Variants in ERC1 observed in about 807,000 individuals in gnomAD.
The protein encoded by ERC1 is RAB6 interacting protein 2.
In ERC1, 56 loss-of-function variants were observed where a neutral mutation model predicts 132.0. The observed-to-expected ratio is 0.42, with a 90% CI of 0.34 to 0.53. ERC1 has a LOEUF of 0.53. Ranked by LOEUF, ERC1 falls within the 20% of genes least tolerant of loss-of-function variation. The pLI is 0.03. For synonymous variants in ERC1, 478 were observed against 476.1 expected, an observed-to-expected ratio of 1.00 and a Z score of -0.05; for missense variants, 1,202 against 1,349.9, an observed-to-expected ratio of 0.89 and a Z score of 1.72.
At chr12:1,262,523 A>G (rs948091750) in intron 13 of ERC1, among the ~76,000 whole-genome samples, 3 of 152,240 alleles carry the variant, frequency 2.0e-5, no homozygotes, top group African/African-American at 7.2e-5. Flanking sequence ...ACTAGGATGC[A>G]TCACTTGCTT....
intron 12 of ERC1, among the ~76,000 whole-genome samples, chr12:1,236,338 T>C (rs1210561116): frequency 6.6e-6 from 1 of 152,172 alleles, no homozygotes; most frequent in Non-Finnish European, 1.5e-5. Context: ...TTATATACAG[T>C]GTATTGAATG....
intron 2 of ERC1, among the ~76,000 whole-genome samples, chr12:1,058,823 G>GTTTTTTTT (rs1973502175): frequency 7.9e-6 from 1 of 126,772 alleles, no homozygotes. Context: ...ACGAGGTCTT[G>GTTTTTTTT]CTCTCTCATC....
intron 12 of ERC1, among the ~76,000 whole-genome samples, chr12:1,236,506 G>T (rs2286038): frequency 1.3e-5 from 2 of 152,040 alleles, no homozygotes; most frequent in African/African-American, 4.8e-5. Context: ...AAATGATCCC[G>T]TGCCTTTCTT....
chr12:1,398,934 T>A (rs2090773712), intron 16 of ERC1, among the ~76,000 whole-genome samples: 1 of 77,128 alleles, frequency 1.3e-5, no homozygotes, highest in Non-Finnish European at 2.5e-5. Context: ...CTCCTACTTT[T>A]TTTTTTTTTT....
intron 2 of ERC1, among the ~76,000 whole-genome samples, chr12:1,033,720 C>A (rs149954111): frequency 8.2e-4 from 125 of 152,016 alleles, no homozygotes; most frequent in African/African-American, 2.4e-3. Context: ...ACCTCCGCCT[C>A]CTGAGTTCAA....
chr12:1,043,640 T>C (rs1970636300), intron 2 of ERC1, among the ~76,000 whole-genome samples: 1 of 152,190 alleles, frequency 6.6e-6, no homozygotes, highest in Non-Finnish European at 1.5e-5. Flanking sequence ...TTTTCATATG[T>C]CTTGCTAGGA....
intron 18 of ERC1, among the ~76,000 whole-genome samples, chr12:1,450,222 G>A (rs926481052): frequency 6.6e-6 from 1 of 152,102 alleles, no homozygotes; most frequent in Non-Finnish European, 1.5e-5. Flanking sequence ...TACGTGCACA[G>A]TTCAGTGTTA....
At chr12:1,434,085 T>A (rs147870216) in intron 17 of ERC1, among the ~76,000 whole-genome samples, 219 of 152,146 alleles carry the variant, frequency 1.4e-3, no homozygotes, top group East Asian at 0.014. Flanking sequence ...ATGTTCTGCT[T>A]CCTCTTGTCC....
intron 15 of ERC1, among the ~76,000 whole-genome samples, chr12:1,346,094 A>C (rs972458681): frequency 6.6e-6 from 1 of 152,126 alleles, no homozygotes; most frequent in Admixed American, 6.5e-5. Context: ...GGGAAATGTG[A>C]GGAGCTAGGA....
intron 2 of ERC1, among the ~76,000 whole-genome samples, chr12:1,029,269 G>A (rs866489968): frequency 3.3e-5 from 5 of 152,006 alleles, no homozygotes; most frequent in African/African-American, 1.2e-4. Context: ...GGAGAATCAC[G>A]TAAACCTGGG....
intron 18 of ERC1, among the ~76,000 whole-genome samples, chr12:1,454,048 A>G (rs1489386123): frequency 6.6e-6 from 1 of 152,118 alleles, no homozygotes; most frequent in Non-Finnish European, 1.5e-5. Flanking sequence ...TCTCCAGCCC[A>G]CACCCCAGCC....
At chr12:1,440,236 G>T (rs1449657961) in intron 17 of ERC1, among the ~76,000 whole-genome samples, 17 of 109,146 alleles carry the variant, frequency 1.6e-4, no homozygotes, top group Admixed American at 1.2e-3. Context: ...ACAGAGTCTT[G>T]CTCTGTCGCC....
chr12:1,099,986 T>C (rs1944483968), intron 3 of ERC1, among the ~76,000 whole-genome samples: 1 of 151,878 alleles, frequency 6.6e-6, no homozygotes, highest in South Asian at 2.1e-4. Context: ...TAGCTGGGAT[T>C]GCAGGTGCGC....
chr12:1,094,417 T>C (rs12820665), intron 3 of ERC1, among the ~76,000 whole-genome samples: 31 of 104,294 alleles, frequency 3.0e-4, no homozygotes, highest in African/African-American at 7.8e-4. Flanking sequence ...TTCTCTCTCT[T>C]TTTTTTTTTT....
At chr12:1,464,836 A>C (rs2093712883) in intron 18 of ERC1, among the ~76,000 whole-genome samples, 1 of 151,956 alleles carries the variant, frequency 6.6e-6, no homozygotes, top group Non-Finnish European at 1.5e-5. Flanking sequence ...GCCTTTTTTA[A>C]TCTAGTTTTT....
At chr12:1,439,767 C>T (rs898914177) in intron 17 of ERC1, among the ~76,000 whole-genome samples, 2 of 152,196 alleles carry the variant, frequency 1.3e-5, no homozygotes, top group Admixed American at 6.5e-5. Flanking sequence ...AAAGTTATAA[C>T]TTACGGGTCC....
Position 1,341,069 on chromosome 12 carries a change from C to CTTTTTT in ERC1, c.2781-30727_2781-30722dup, listed in dbSNP as rs35902573. ...AATGTCCACTTATTCTTTTCTTTTT[C>CTTTTTT]TTTTTTTTTTTTTTTTTTTTTTTTT... On this transcript the variant is annotated intron_variant, in intron 15 of 18. Coordinates refer to ENST00000360905, the MANE Select transcript of ERC1 (RefSeq NM_178040.4). 2.1e-3 allele frequency among the ~76,000 whole-genome samples: 134 copies of CTTTTTT among 63,090 alleles called. 24 individuals carry two copies. Among genetic ancestry groups the CTTTTTT allele is most frequent in the East Asian group, 5.1e-3 (7 of 1,370 alleles). The allele number at this position is 63,090 out of a possible 152,430, so 41.4% of individuals were successfully genotyped here. A position where few individuals can be genotyped will look rare whatever the true frequency, so the allele number is the denominator to read the frequency against.
At chr12:1,437,951 C>A (rs1404644823) in intron 17 of ERC1, among the ~76,000 whole-genome samples, 1 of 152,172 alleles carries the variant, frequency 6.6e-6, no homozygotes, top group Admixed American at 6.5e-5. Context: ...GACCATAAAA[C>A]CCTTTCAATC....
At chr12:1,197,142 A>C (rs1956410995) in intron 12 of ERC1, among the ~76,000 whole-genome samples, 1 of 151,492 alleles carries the variant, frequency 6.6e-6, no homozygotes, top group Admixed American at 6.6e-5. Flanking sequence ...CACCATGCCC[A>C]GCTAATTTTT....
Sources: allele counts gnomAD v4.1 joint callset (sites outside exome capture counted in the v4.1 genomes callset), GRCh38; gene constraint gnomAD v4.1.1; transcripts MANE v1.5; gene names NCBI Gene and HGNC (gene_info 2026-07-23, HGNC 2026-07-21).